Variants in ST6GALNAC3 observed in about 807,000 individuals in gnomAD.
ST6GALNAC3 encodes the protein alpha-N-acetylgalactosaminide alpha-2,6-sialyltransferase 3.
In ST6GALNAC3, 25 loss-of-function variants were observed where a neutral mutation model predicts 32.7. That is an observed-to-expected ratio of 0.76 (90% CI 0.56 to 1.07). The LOEUF is 1.07. Ranked by LOEUF, ST6GALNAC3 falls within the 50% of genes least tolerant of loss-of-function variation. The pLI is 0.00. For synonymous variants in ST6GALNAC3, 129 were observed against 133.1 expected (o/e 0.97, Z 0.21); for missense variants, 355 against 382.4 (o/e 0.93, Z 0.60).
chr1:76,611,926 A>T lies in ST6GALNAC3; in HGVS notation c.624-15526A>T, dbSNP rs1322722038. Among the ~76,000 whole-genome samples the T allele has an allele frequency of 2.6e-5, 4 of 152,210 alleles. No individual in the cohort carries two copies. The East Asian group carries it at 7.7e-4, about 29-fold the overall frequency. On this transcript the variant is annotated intron_variant, in intron 3 of 4. Coordinates refer to ENST00000328299, the MANE Select transcript of ST6GALNAC3 (RefSeq NM_152996.4). ...CACGATGAATTGTTGAGGTTAAATCAGACGATATTGATTTTGTGTCTAACC... is the reference window on the plus strand; with the variant it reads ...CACGATGAATTGTTGAGGTTAAATCTGACGATATTGATTTTGTGTCTAACC...
At chr1:76,084,687 A>T (rs1283303699) in intron 1 of ST6GALNAC3, among the ~76,000 whole-genome samples, 1 of 152,208 alleles carries the variant, frequency 6.6e-6, no homozygotes, top group African/African-American at 2.4e-5. Context: ...ACATATGGCC[A>T]ATGGTGCTTA....
At chr1:76,533,059 T>C (rs1663356385) in intron 3 of ST6GALNAC3, among the ~76,000 whole-genome samples, 1 of 152,138 alleles carries the variant, frequency 6.6e-6, no homozygotes, top group Non-Finnish European at 1.5e-5. Flanking sequence ...AACTTGCAGC[T>C]GCCAGAATGT....
chr1:76,280,687 G>A (rs1659446856), intron 1 of ST6GALNAC3, among the ~76,000 whole-genome samples: 1 of 152,296 alleles, frequency 6.6e-6, no homozygotes, highest in Admixed American at 6.5e-5. Context: ...AATGTTATGT[G>A]CATGGTATGC....
chr1:76,274,466 A>G (rs942744139), intron 1 of ST6GALNAC3, among the ~76,000 whole-genome samples: 1 of 152,026 alleles, frequency 6.6e-6, no homozygotes, highest in Non-Finnish European at 1.5e-5. Context: ...ACTTTGCTCA[A>G]CCTTATCTCT....
chr1:76,212,176 A>G (rs569777324), intron 1 of ST6GALNAC3, among the ~76,000 whole-genome samples: 6 of 152,278 alleles, frequency 3.9e-5, no homozygotes, highest in African/African-American at 1.2e-4. Flanking sequence ...TCCTCAGAAA[A>G]ACATTCCATT....
intron 2 of ST6GALNAC3, among the ~76,000 whole-genome samples, chr1:76,339,181 A>G (rs1426782466): frequency 6.6e-6 from 1 of 152,158 alleles, no homozygotes; most frequent in East Asian, 1.9e-4. Context: ...GGAAGCTGTG[A>G]CCTTTCATGG....
At chr1:76,216,669 C>A (rs1054047642) in intron 1 of ST6GALNAC3, among the ~76,000 whole-genome samples, 1 of 152,208 alleles carries the variant, frequency 6.6e-6, no homozygotes, top group Non-Finnish European at 1.5e-5. Context: ...AAACTTTATT[C>A]ATTGGTCAGC....
intron 1 of ST6GALNAC3, among the ~76,000 whole-genome samples, chr1:76,186,461 T>C (rs1295345165): frequency 2.0e-5 from 3 of 152,044 alleles, no homozygotes; most frequent in East Asian, 3.9e-4. Flanking sequence ...ATAGTAATCC[T>C]GAGGGAAAAA....
At chr1:76,120,212 G>T (rs1329417885) in intron 1 of ST6GALNAC3, among the ~76,000 whole-genome samples, 1 of 152,244 alleles carries the variant, frequency 6.6e-6, no homozygotes, top group Admixed American at 6.5e-5. Flanking sequence ...AGGCTGGACT[G>T]GGGGAACAGT....
At chr1:76,099,255 T>C (rs1218291842) in intron 1 of ST6GALNAC3, among the ~76,000 whole-genome samples, 1 of 152,164 alleles carries the variant, frequency 6.6e-6, no homozygotes, top group African/African-American at 2.4e-5. Context: ...TATACTTCCT[T>C]TGAGTTTTAG....
intron 1 of ST6GALNAC3, among the ~76,000 whole-genome samples, chr1:76,248,077 C>T (rs1657409556): frequency 6.6e-6 from 1 of 152,060 alleles, no homozygotes; most frequent in Non-Finnish European, 1.5e-5. Flanking sequence ...TCCTCTGGCT[C>T]CTTGCATTTC....
Position 76,573,713 on chromosome 1 carries a change from T to C in ST6GALNAC3, c.624-53739T>C, listed in dbSNP as rs548492134. 2.6e-5 allele frequency among the ~76,000 whole-genome samples: 4 copies of C among 151,736 alleles called. No individual in the cohort carries two copies. In the South Asian group the frequency reaches 6.2e-4, roughly 24 times the overall value. ...AATAACATTTCATTTTAAAAATAAA[T>C]ATGAAAAATGGAAAAGCATAAATAA... On this transcript the variant is annotated intron_variant, in intron 3 of 4. Transcript: ENST00000328299.
rs997724336 is a variant in ST6GALNAC3 at position 76,576,969 on chromosome 1, A to T, written c.624-50483A>T. 4.7e-6 allele frequency: 6 copies of T among 1,283,760 alleles called. No homozygotes were observed. In the African/African-American group the frequency reaches 7.7e-5, roughly 17 times the overall value. 79.5% of individuals were successfully genotyped at this position (1,283,760 alleles called of 1,614,324 possible). A position where few individuals can be genotyped will look rare whatever the true frequency, so the allele number is the denominator to read the frequency against. On this transcript the variant is annotated intron_variant, in intron 3 of 4. Transcript: ENST00000328299. ...AAGAAACAAACAAACAAACAAACAAAACTAAGCAAGACAAAACAAATACCC... is the reference window on the plus strand; with the variant it reads ...AAGAAACAAACAAACAAACAAACAATACTAAGCAAGACAAAACAAATACCC...
chr1:76,338,695 G>A (rs1469737226), intron 2 of ST6GALNAC3, among the ~76,000 whole-genome samples: 1 of 151,228 alleles, frequency 6.6e-6, no homozygotes, highest in Admixed American at 6.6e-5. Context: ...AGCAAAAGAT[G>A]GCCCCCACCC....
intron 1 of ST6GALNAC3, among the ~76,000 whole-genome samples, chr1:76,112,427 C>T (rs1322114287): frequency 6.8e-6 from 1 of 147,226 alleles, no homozygotes; most frequent in Non-Finnish European, 1.5e-5. Context: ...GGGCTAACCC[C>T]CCGACCTCCC....
At chr1:76,193,990 C>G (rs888719148) in intron 1 of ST6GALNAC3, among the ~76,000 whole-genome samples, 3 of 152,194 alleles carry the variant, frequency 2.0e-5, no homozygotes, top group Non-Finnish European at 2.9e-5. Flanking sequence ...TATAGCCACA[C>G]TGGAGGTCAG....
chr1:76,409,477 T>C (rs1654062335), intron 2 of ST6GALNAC3, among the ~76,000 whole-genome samples: 1 of 151,706 alleles, frequency 6.6e-6, no homozygotes, highest in African/African-American at 2.4e-5. Context: ...ATGTAATAAC[T>C]GTTAGCATCC....
At position 76,501,355 on chromosome 1, in the gene ST6GALNAC3, C is replaced by T. The variant is rs145431934; in HGVS notation, c.623+88938C>T. ...AATCCTGAAATTGTGGTTTGCAAGGCAAATGATTCAGAGCAAGGGCTTTAT... is the reference window on the plus strand; with the variant it reads ...AATCCTGAAATTGTGGTTTGCAAGGTAAATGATTCAGAGCAAGGGCTTTAT... On this transcript the variant is annotated intron_variant, in intron 3 of 4. Transcript: ENST00000328299. Among the ~76,000 whole-genome samples, 341 of 152,298 alleles carry T rather than the reference C, an allele frequency of 2.2e-3. 1 individual carries two copies. The highest frequency in any genetic ancestry group is 8.0e-3 in the African/African-American group (331 of 41,556).
At chr1:76,373,369 A>C (rs1650983471) in intron 2 of ST6GALNAC3, among the ~76,000 whole-genome samples, 1 of 152,198 alleles carries the variant, frequency 6.6e-6, no homozygotes, top group African/African-American at 2.4e-5. Context: ...AAGTTAATAT[A>C]TGTAAGGCAC....
Sources: gnomAD v4.1 joint callset for allele counts (sites outside exome capture counted in the v4.1 genomes callset) on GRCh38, gnomAD v4.1.1 for gene constraint, MANE v1.5 for transcripts, NCBI Gene and HGNC (gene_info 2026-07-23, HGNC 2026-07-21) for gene names.